Variants in FRMD6 observed in about 807,000 individuals in gnomAD.
FRMD6 encodes FERM domain containing 6, also known as FERM domain-containing protein 6.
In FRMD6, 37 loss-of-function variants were observed where a neutral mutation model predicts 73.2. The observed-to-expected ratio is 0.51, with a 90% CI of 0.39 to 0.66. The LOEUF is 0.66. FRMD6 is among the 30% of genes least tolerant of loss of function. The pLI, the probability that FRMD6 is intolerant of heterozygous loss-of-function variation, is 0.00. For missense variants in FRMD6, 714 were observed against 780.5 expected, an observed-to-expected ratio of 0.91 and a Z score of 1.02; for synonymous variants, 273 against 282.2, an observed-to-expected ratio of 0.97 and a Z score of 0.33.
intron 2 of FRMD6, among the ~76,000 whole-genome samples, chr14:51,633,480 T>C (rs1489615756): frequency 1.3e-5 from 2 of 150,454 alleles, no homozygotes; most frequent in African/African-American, 2.4e-5. Context: ...CTCATGCCTG[T>C]GGTCCCAGCT....
intron 1 of FRMD6, among the ~76,000 whole-genome samples, chr14:51,541,867 C>T (rs1002617599): frequency 1.1e-4 from 16 of 152,062 alleles, no homozygotes; most frequent in African/African-American, 3.6e-4. Flanking sequence ...AATGGTTTCC[C>T]ATATTAAGAG....
chr14:51,628,852 T>C (rs1891220331), intron 2 of FRMD6, among the ~76,000 whole-genome samples: 1 of 146,120 alleles, frequency 6.8e-6, no homozygotes, highest in Non-Finnish European at 1.5e-5. Context: ...CTATGCCTTT[T>C]GCATCTACCT....
chr14:51,594,330 A>ATTTATTTATTTT (rs1423418636), intron 2 of FRMD6, among the ~76,000 whole-genome samples: 4 of 146,508 alleles, frequency 2.7e-5, no homozygotes, highest in Admixed American at 2.1e-4. Context: ...TTATTTATTT[A>ATTTATTTATTTT]TTTATTTATT....
intron 11 of FRMD6, among the ~76,000 whole-genome samples, chr14:51,721,441 C>G (rs1439925289): frequency 3.3e-5 from 5 of 152,136 alleles, no homozygotes; most frequent in African/African-American, 1.2e-4. Context: ...GAAACCTCAT[C>G]TCTGCTAAAA....
the FRMD6 span, among the ~76,000 whole-genome samples, chr14:51,437,511 C>T: frequency 1.3e-5 from 2 of 152,174 alleles, no homozygotes; most frequent in Non-Finnish European, 2.9e-5. Context: ...ACCGTGTTAG[C>T]CAGGATGGCC....
At chr14:51,504,372 C>A (rs904210338) in intron 1 of FRMD6, among the ~76,000 whole-genome samples, 1 of 152,216 alleles carries the variant, frequency 6.6e-6, no homozygotes, top group Non-Finnish European at 1.5e-5. Context: ...TGGCTAGAGA[C>A]CCCTGTTGGG....
intron 1 of FRMD6, among the ~76,000 whole-genome samples, chr14:51,674,862 T>A (rs1894275556): frequency 6.6e-6 from 1 of 152,140 alleles, no homozygotes; most frequent in Non-Finnish European, 1.5e-5. Context: ...TGGAGGTGAC[T>A]GGACTGGGCT....
chr14:51,556,801 T>G (rs1187683894), intron 1 of FRMD6, among the ~76,000 whole-genome samples: 1 of 151,764 alleles, frequency 6.6e-6, no homozygotes, highest in Non-Finnish European at 1.5e-5. Context: ...TGCCCCTGTC[T>G]CCTTCTCTAC....
At chr14:51,686,441 A>G (rs980007658) in intron 1 of FRMD6, among the ~76,000 whole-genome samples, 1 of 152,202 alleles carries the variant, frequency 6.6e-6, no homozygotes, top group Non-Finnish European at 1.5e-5. Flanking sequence ...TGATTCTTAA[A>G]AGAAATGGAA....
At chr14:51,446,256 G>T in the FRMD6 span, among the ~76,000 whole-genome samples, 2 of 152,194 alleles carry the variant, frequency 1.3e-5, no homozygotes, top group Non-Finnish European at 2.9e-5. Flanking sequence ...CCAGAGGAGT[G>T]ACCGCGATGG....
At chr14:51,477,800 C>T in the FRMD6 span, among the ~76,000 whole-genome samples, 55 of 149,826 alleles carry the variant, frequency 3.7e-4, no homozygotes, top group African/African-American at 1.3e-3. Flanking sequence ...AGTGCAGTGG[C>T]ACGACCTCAG....
intron 1 of FRMD6, among the ~76,000 whole-genome samples, chr14:51,680,834 CT>C (rs1894745048): frequency 1.3e-5 from 2 of 151,990 alleles, no homozygotes; most frequent in Non-Finnish European, 2.9e-5. Flanking sequence ...TCATTTTTTA[CT>C]TTGATAAATA....
At chr14:51,414,558 C>G in the FRMD6 span, among the ~76,000 whole-genome samples, 1 of 152,116 alleles carries the variant, frequency 6.6e-6, no homozygotes, top group Non-Finnish European at 1.5e-5. Context: ...TTACTGTAGC[C>G]TTGTAGTATA....
intron 2 of FRMD6, among the ~76,000 whole-genome samples, chr14:51,632,610 A>G (rs950739347): frequency 5.9e-5 from 9 of 152,164 alleles, no homozygotes; most frequent in African/African-American, 2.2e-4. Flanking sequence ...AGTTCTCTCC[A>G]TCTCACCCCT....
At chr14:51,574,339 C>A (rs1888294739) in intron 2 of FRMD6, among the ~76,000 whole-genome samples, 1 of 152,178 alleles carries the variant, frequency 6.6e-6, no homozygotes, top group South Asian at 2.1e-4. Context: ...TAGACTCTAT[C>A]CACAGAGCCT....
At chr14:51,518,244 A>G (rs1184783233) in intron 1 of FRMD6, among the ~76,000 whole-genome samples, 1 of 152,186 alleles carries the variant, frequency 6.6e-6, no homozygotes, top group Non-Finnish European at 1.5e-5. Context: ...AGTAAAGACA[A>G]TTTGTCTCAT....
chr14:51,720,463 G>C (rs1897489406), intron 11 of FRMD6, 73 bp downstream of exon 11: 2 of 1,393,534 alleles, frequency 1.4e-6, no homozygotes, highest in East Asian at 4.8e-5. Context: ...CTATAGAACT[G>C]GTGTCTGGAG....
At chr14:51,623,032 C>G (rs1890984813) in intron 2 of FRMD6, among the ~76,000 whole-genome samples, 1 of 152,088 alleles carries the variant, frequency 6.6e-6, no homozygotes, top group South Asian at 2.1e-4. Context: ...GCCACCATGC[C>G]CAGTCATGGC....
At chr14:51,619,207 C>A (rs1228152753) in intron 2 of FRMD6, among the ~76,000 whole-genome samples, 2 of 151,926 alleles carry the variant, frequency 1.3e-5, no homozygotes, top group African/African-American at 4.8e-5. Flanking sequence ...AGTATCTATA[C>A]AGAAGCTGAA....
Sources: allele counts gnomAD v4.1 joint callset (sites outside exome capture counted in the v4.1 genomes callset), GRCh38; gene constraint gnomAD v4.1.1; transcripts MANE v1.5; gene names NCBI Gene and HGNC (gene_info 2026-07-23, HGNC 2026-07-21).